Variants in BMPR1B observed in about 807,000 individuals in gnomAD.
BMPR1B encodes the protein bone morphogenetic protein receptor type-1B.
In BMPR1B, 12 loss-of-function variants were observed where a neutral mutation model predicts 59.1. That is an observed-to-expected ratio of 0.20 (90% CI 0.13 to 0.33). BMPR1B has a LOEUF of 0.33. BMPR1B is among the 10% of genes least tolerant of loss of function. The probability of loss-of-function intolerance (pLI) is 1.00; values close to 1 mark genes in which losing one functional copy is unlikely to be tolerated. For missense variants in BMPR1B, 550 were observed against 610.9 expected (o/e 0.90, Z 1.05); for synonymous variants, 237 against 207.3 (o/e 1.14, Z -1.23).
At chr4:95,108,851 G>A (rs571660622) in intron 4 of BMPR1B, among the ~76,000 whole-genome samples, 11 of 152,022 alleles carry the variant, frequency 7.2e-5, no homozygotes, top group East Asian at 3.9e-4. Flanking sequence ...GTAATCCATC[G>A]AGTTCCATTT....
chr4:95,062,153 T>C (rs1356974093), intron 3 of BMPR1B, among the ~76,000 whole-genome samples: 1 of 152,178 alleles, frequency 6.6e-6, no homozygotes, highest in African/African-American at 2.4e-5. Context: ...AGTTTTTTTT[T>C]ATAGCAGTGT....
At chr4:94,899,844 A>G (rs918171458) in intron 2 of BMPR1B, among the ~76,000 whole-genome samples, 3 of 152,062 alleles carry the variant, frequency 2.0e-5, no homozygotes, top group Non-Finnish European at 2.9e-5. Context: ...TTTTCTCCCT[A>G]TAAATACTGT....
At chr4:95,026,138 C>CTT (rs1175887980) in intron 3 of BMPR1B, among the ~76,000 whole-genome samples, 3 of 147,392 alleles carry the variant, frequency 2.0e-5, no homozygotes, top group African/African-American at 7.6e-5. Flanking sequence ...TTCTTTCTTT[C>CTT]TTTCTTTCTT....
intron 3 of BMPR1B, among the ~76,000 whole-genome samples, chr4:95,024,029 A>G (rs1724180117): frequency 6.6e-6 from 1 of 152,146 alleles, no homozygotes; most frequent in Non-Finnish European, 1.5e-5. Flanking sequence ...GGCACTTCCC[A>G]TTAGGCCACT....
intron 3 of BMPR1B, among the ~76,000 whole-genome samples, chr4:95,038,829 A>G (rs1455655942): frequency 6.6e-6 from 1 of 152,206 alleles, no homozygotes. Flanking sequence ...AGAGGAAATT[A>G]TGGTGACAAT....
intron 2 of BMPR1B, among the ~76,000 whole-genome samples, chr4:94,925,634 C>T (rs563900496): frequency 2.2e-3 from 331 of 152,244 alleles, no homozygotes; most frequent in Non-Finnish European, 3.6e-3. Context: ...CTTAAAAATT[C>T]TAAGTCCATA....
intron 3 of BMPR1B, among the ~76,000 whole-genome samples, chr4:95,098,531 T>G (rs1445405075): frequency 2.0e-5 from 3 of 152,022 alleles, no homozygotes; most frequent in Non-Finnish European, 4.4e-5. Context: ...GATCTTTTTT[T>G]TTGTGGCTTT....
chr4:95,079,414 T>A (rs1395771208), intron 3 of BMPR1B, among the ~76,000 whole-genome samples: 1 of 151,680 alleles, frequency 6.6e-6, no homozygotes, highest in Non-Finnish European at 1.5e-5. Flanking sequence ...TCTCATGCAG[T>A]TTATATTCTA....
intron 2 of BMPR1B, among the ~76,000 whole-genome samples, chr4:94,918,845 C>T (rs1728583965): frequency 2.0e-5 from 3 of 152,010 alleles, no homozygotes; most frequent in African/African-American, 7.3e-5. Context: ...GGCATTGGTA[C>T]CTGTCACAGG....
chr4:94,979,161 T>A (rs1731142930), intron 2 of BMPR1B, among the ~76,000 whole-genome samples: 3 of 152,048 alleles, frequency 2.0e-5, no homozygotes, highest in Admixed American at 2.0e-4. Flanking sequence ...ACGTGGGGAT[T>A]ATGAGAGCTA....
chr4:94,894,818 T>A (rs1190727159), intron 2 of BMPR1B, among the ~76,000 whole-genome samples: 2 of 151,932 alleles, frequency 1.3e-5, no homozygotes, highest in Non-Finnish European at 2.9e-5. Context: ...CAGCTCTGTA[T>A]GCTAGTTTGT....
chr4:95,090,263 T>C (rs988600224), intron 3 of BMPR1B, among the ~76,000 whole-genome samples: 1 of 151,884 alleles, frequency 6.6e-6, no homozygotes, highest in African/African-American at 2.4e-5. Context: ...TTTAACATGT[T>C]CTTTAATATA....
At chr4:94,809,520 T>A (rs1723734355) in intron 1 of BMPR1B, among the ~76,000 whole-genome samples, 1 of 152,242 alleles carries the variant, frequency 6.6e-6, no homozygotes, top group Non-Finnish European at 1.5e-5. Flanking sequence ...TTATGCCAAC[T>A]GTTGATCAGA....
Position 94,987,726 on chromosome 4 carries a change from C to G in BMPR1B, c.-112-8314C>G, listed in dbSNP as rs117457264. On this transcript the variant is annotated intron_variant, in intron 2 of 12. Coordinates refer to ENST00000515059, the MANE Select transcript of BMPR1B (RefSeq NM_001203.3). ...AAGATACTTCTTATTCTTAAGATTC[C>G]GGTTGCACTGCCTAATCAAATATAC... Among the ~76,000 whole-genome samples, 156 of 151,970 alleles carry G rather than the reference C, an allele frequency of 1.0e-3. 4 individuals carry two copies. The East Asian group carries it at 0.027, about 27-fold the overall frequency.
chr4:94,941,293 A>G (rs79603166), intron 2 of BMPR1B, among the ~76,000 whole-genome samples: 44,944 of 151,688 alleles, frequency 0.3, 6,732 homozygotes, highest in South Asian at 0.4. Flanking sequence ...TTAGTGGGGC[A>G]TGGTGGTGCA....
chr4:94,775,948 G>A (rs923106000), intron 1 of BMPR1B, among the ~76,000 whole-genome samples: 2 of 152,012 alleles, frequency 1.3e-5, no homozygotes, highest in African/African-American at 4.8e-5. Flanking sequence ...AAAATTAGCC[G>A]GGTGTGATGG....
chr4:95,124,006 T>A, intron 7 of BMPR1B, 100 bp downstream of exon 7: 4 of 781,004 alleles, frequency 5.1e-6, no homozygotes, highest in Non-Finnish European at 6.5e-6. Flanking sequence ...CACAGCTTTA[T>A]TTATCTTAAT....
intron 2 of BMPR1B, among the ~76,000 whole-genome samples, chr4:94,890,608 G>C (rs770386933): frequency 2.0e-5 from 3 of 152,076 alleles, no homozygotes; most frequent in Non-Finnish European, 4.4e-5. Context: ...TTAAACAACA[G>C]AAGTTTATTT....
chr4:95,132,617 A>AT (rs150665551), intron 10 of BMPR1B, among the ~76,000 whole-genome samples: 3,845 of 151,000 alleles, frequency 0.025, 148 homozygotes, highest in African/African-American at 0.086. Flanking sequence ...CTCCCTTCTG[A>AT]TTTTTTTTTC....
Sources: gnomAD v4.1 joint callset for allele counts (sites outside exome capture counted in the v4.1 genomes callset) on GRCh38, gnomAD v4.1.1 for gene constraint, MANE v1.5 for transcripts, NCBI Gene and HGNC (gene_info 2026-07-23, HGNC 2026-07-21) for gene names.